The following DOCK5 variants were observed in gnomAD, a reference collection of about 807,000 sequenced individuals.
The protein encoded by DOCK5 is dedicator of cytokinesis 5.
Under a neutral mutation model 251.8 loss-of-function variants are expected in DOCK5, and 142 were observed. The ratio of observed to expected loss-of-function variants is 0.56; its 90% CI spans 0.49 to 0.65. DOCK5 has a LOEUF of 0.65. Ranked by LOEUF, DOCK5 falls within the 30% of genes least tolerant of loss-of-function variation. The pLI is 0.00. For synonymous variants in DOCK5, 842 were observed against 835.5 expected (o/e 1.01, Z -0.13); for missense variants, 2,111 against 2,312.3 (o/e 0.91, Z 1.79).
chr8:25,279,061 A>G (rs1804118448), intron 5 of DOCK5, among the ~76,000 whole-genome samples: 1 of 152,198 alleles, frequency 6.6e-6, no homozygotes, highest in Non-Finnish European at 1.5e-5. Context: ...TAGCCTCTTC[A>G]TGTATACCAG....
chr8:25,381,086 A>T (rs1360882154), intron 39 of DOCK5, among the ~76,000 whole-genome samples: 1 of 151,638 alleles, frequency 6.6e-6, no homozygotes, highest in African/African-American at 2.4e-5. Context: ...CTGAATGCCC[A>T]ATAGAAGGCA....
chr8:25,219,577 A>G (rs1802330187), intron 1 of DOCK5, among the ~76,000 whole-genome samples: 1 of 152,148 alleles, frequency 6.6e-6, no homozygotes, highest in Admixed American at 6.5e-5. Flanking sequence ...GTAACTTTTG[A>G]GAGCCTAAAT....
At chr8:25,272,300 A>G (rs1803932222) in intron 3 of DOCK5, among the ~76,000 whole-genome samples, 1 of 152,316 alleles carries the variant, frequency 6.6e-6, no homozygotes, top group Non-Finnish European at 1.5e-5. Context: ...AAGTGCTGGG[A>G]TTACAAGCAT....
intron 27 of DOCK5, 49 bp downstream of exon 27, chr8:25,351,875 C>T: frequency 6.4e-7 from 1 of 1,556,722 alleles, no homozygotes; most frequent in Non-Finnish European, 8.8e-7. Flanking sequence ...TTCTCTGTCC[C>T]CTTTGCCTAT....
intron 26 of DOCK5, chr8:25,351,527 A>T (rs1224595058): frequency 5.8e-6 from 3 of 517,546 alleles, no homozygotes; most frequent in Non-Finnish European, 1.0e-5. Flanking sequence ...TCATCTTTTA[A>T]GTGTTATGAC....
chr8:25,284,946 T>C (rs1337022262), intron 5 of DOCK5, among the ~76,000 whole-genome samples: 1 of 152,158 alleles, frequency 6.6e-6, no homozygotes, highest in East Asian at 1.9e-4. Context: ...CTGTGCACCA[T>C]CTCACCCTAA....
rs1332356532 is a variant in DOCK5, at chr8:25,304,515, G to C, written c.1049+188G>C. 2.1e-4 allele frequency: 112 copies of C among 523,718 alleles called. 1 individual carries two copies. Among genetic ancestry groups the C allele is most frequent in the Non-Finnish European group, 3.3e-6 (1 of 300,922 alleles). The allele number at this position is 523,718 out of a possible 1,614,324, so 32.4% of individuals were successfully genotyped here. ...TCCTTGATGTTGGACTCCCATTGAA[G>C]AGGGTAAACTGAACTTTCCTGATTC... On this transcript the variant is annotated intron_variant, in intron 11 of 51. Transcript: ENST00000276440.
At chr8:25,294,458 G>A (rs187513753) in intron 6 of DOCK5, among the ~76,000 whole-genome samples, 106 of 152,288 alleles carry the variant, frequency 7.0e-4, no homozygotes, top group African/African-American at 2.2e-3. Context: ...CTGGGTATTC[G>A]GATAGCAGTA....
intron 27 of DOCK5, among the ~76,000 whole-genome samples, chr8:25,355,056 A>G (rs1276665509): frequency 1.3e-5 from 2 of 152,162 alleles, no homozygotes; most frequent in Non-Finnish European, 2.9e-5. Context: ...CAACATAGCA[A>G]GACCCTGTCT....
intron 48 of DOCK5, among the ~76,000 whole-genome samples, chr8:25,405,455 T>TA: frequency 6.6e-6 from 1 of 152,190 alleles, no homozygotes; most frequent in South Asian, 2.1e-4. Flanking sequence ...GTCAATCTTA[T>TA]AAAAAATCAA....
intron 14 of DOCK5, among the ~76,000 whole-genome samples, chr8:25,318,613 T>A (rs1473939995): frequency 2.6e-4 from 25 of 97,128 alleles, no homozygotes; most frequent in Admixed American, 6.4e-4. Context: ...TTTTTTTTTT[T>A]AATTAAGACA....
chr8:25,251,792 C>G lies in DOCK5; in HGVS notation c.127+8035C>G, dbSNP rs528187672. Among the ~76,000 whole-genome samples the G allele has an allele frequency of 1.1e-4, 16 of 152,236 alleles. No homozygotes were observed. The South Asian group carries it at 3.1e-3, about 30-fold the overall frequency. Reference sequence around the variant, plus strand: ...TCACATGAGGCCAGGAGTTTGAGACCAGTCTGGCCAACATGGCAAAACCCT... The same window carrying G: ...TCACATGAGGCCAGGAGTTTGAGACGAGTCTGGCCAACATGGCAAAACCCT... On this transcript the variant is annotated intron_variant, in intron 2 of 51. Transcript: ENST00000276440.
chr8:25,354,736 A>G (rs1437217417), intron 27 of DOCK5, among the ~76,000 whole-genome samples: 1 of 152,240 alleles, frequency 6.6e-6, no homozygotes, highest in Non-Finnish European at 1.5e-5. Context: ...TATTCCAGAT[A>G]TTCAAGAATG....
intron 1 of DOCK5, among the ~76,000 whole-genome samples, chr8:25,218,342 C>G (rs1483148674): frequency 6.6e-6 from 1 of 152,220 alleles, no homozygotes; most frequent in African/African-American, 2.4e-5. Flanking sequence ...TAGGGCATCC[C>G]TGCAGGGCCC....
intron 2 of DOCK5, among the ~76,000 whole-genome samples, chr8:25,266,951 G>C (rs1322697082): frequency 6.6e-6 from 1 of 152,210 alleles, no homozygotes; most frequent in Admixed American, 6.5e-5. Flanking sequence ...TTTGAAAGTG[G>C]AATGAAGTTT....
chr8:25,410,972 TGCGC>T (rs869174248), intron 51 of DOCK5, among the ~76,000 whole-genome samples: 3 of 19,168 alleles, frequency 1.6e-4, no homozygotes, highest in African/African-American at 3.0e-4. Context: ...TGTGTGTGTG[TGCGC>T]GCGCGCGCAC....
intron 1 of DOCK5, among the ~76,000 whole-genome samples, chr8:25,191,219 T>C (rs1470752568): frequency 2.6e-5 from 4 of 152,198 alleles, no homozygotes; most frequent in Admixed American, 6.5e-5. Flanking sequence ...TAAGCCGTTA[T>C]TGGCCTGTTT....
chr8:25,303,380 TGG>T (rs2117170501), intron 10 of DOCK5, among the ~76,000 whole-genome samples: 1 of 152,316 alleles, frequency 6.6e-6, no homozygotes, highest in East Asian at 1.9e-4. Flanking sequence ...AAATACTCGC[TGG>T]GAAGTGGTTT....
chr8:25,185,071 C>T, intron 1 of DOCK5, 120 bp downstream of exon 1: 14 of 1,147,550 alleles, frequency 1.2e-5, no homozygotes, highest in Non-Finnish European at 1.4e-5. Flanking sequence ...GGCCCGGCTG[C>T]GCAGCTCTGG....
Sources: allele counts gnomAD v4.1 joint callset (sites outside exome capture counted in the v4.1 genomes callset), GRCh38; gene constraint gnomAD v4.1.1; transcripts MANE v1.5; gene names NCBI Gene and HGNC (gene_info 2026-07-23, HGNC 2026-07-21).